The following GAREM1 variants were observed in gnomAD, a reference collection of about 807,000 sequenced individuals.
The protein encoded by GAREM1 is GRB2-associated and regulator of MAPK protein 1.
In GAREM1, 26 loss-of-function variants were observed where a neutral mutation model predicts 71.3. That is an observed-to-expected ratio of 0.36 (90% CI 0.27 to 0.51). The LOEUF (loss-of-function observed/expected upper bound fraction) is 0.51, where lower values mean the gene tolerates loss of function less well. Among genes scored for constraint, GAREM1 ranks in the 20% least tolerant of loss-of-function variants. GAREM1 has a pLI of 0.95. For synonymous variants in GAREM1, 440 were observed against 433.2 expected (o/e 1.02, Z -0.20); for missense variants, 1,026 against 1,103.1 (o/e 0.93, Z 0.99).
At chr18:32,349,225 T>C (rs2047725191) in intron 2 of GAREM1, among the ~76,000 whole-genome samples, 2 of 152,304 alleles carry the variant, frequency 1.3e-5, no homozygotes, top group South Asian at 4.1e-4. Context: ...ACATTTTAAA[T>C]GTTAGAAGGA....
intron 2 of GAREM1, among the ~76,000 whole-genome samples, chr18:32,342,157 T>C (rs1226083864): frequency 2.0e-5 from 3 of 152,192 alleles, no homozygotes; most frequent in Admixed American, 2.0e-4. Context: ...ATAACCTTTT[T>C]TTGAAGTTGG....
intron 3 of GAREM1, among the ~76,000 whole-genome samples, chr18:32,305,145 A>T (rs1017109543): frequency 6.6e-6 from 1 of 152,200 alleles, no homozygotes; most frequent in African/African-American, 2.4e-5. Context: ...AGAAAAAAAA[A>T]GTGAAAGAGA....
intron 3 of GAREM1, among the ~76,000 whole-genome samples, chr18:32,295,840 A>AT (rs562103892): frequency 2.8e-3 from 422 of 152,258 alleles, no homozygotes; most frequent in African/African-American, 9.8e-3. Context: ...TATTGCTATT[A>AT]TTTTTTAACA....
chr18:32,283,290 A>G (rs1489426590), intron 4 of GAREM1, among the ~76,000 whole-genome samples: 1 of 152,204 alleles, frequency 6.6e-6, no homozygotes, highest in African/African-American at 2.4e-5. Flanking sequence ...CATGCCTGTA[A>G]CCCCAGCACT....
At chr18:32,270,433 G>A (rs779817275) in intron 4 of GAREM1, 50 bp from the exon 5 acceptor site, 10 of 1,512,914 alleles carry the variant, frequency 6.6e-6, no homozygotes, top group African/African-American at 1.4e-5. Flanking sequence ...ACAATGCCAC[G>A]GGGCGCCAGC....
At chr18:32,434,697 A>C (rs1039049338) in intron 1 of GAREM1, among the ~76,000 whole-genome samples, 3 of 152,154 alleles carry the variant, frequency 2.0e-5, no homozygotes, top group African/African-American at 7.2e-5. Flanking sequence ...CTACAGAAGA[A>C]TTACAATTAG....
At chr18:32,379,809 T>G (rs980396621) in intron 2 of GAREM1, among the ~76,000 whole-genome samples, 3 of 152,122 alleles carry the variant, frequency 2.0e-5, no homozygotes, top group Non-Finnish European at 2.9e-5. Context: ...GTCCCAAATC[T>G]TGACCTCACA....
rs1329578323 is a variant in GAREM1, at chr18:32,470,865, G to A, written c.-437C>T. Among the ~76,000 whole-genome samples the A allele has an allele frequency of 6.6e-6, 1 of 150,756 alleles. No individual in the cohort carries two copies. Among genetic ancestry groups the A allele is most frequent in the Non-Finnish European group, 1.5e-5 (1 of 67,558 alleles). Reference sequence around the variant, plus strand: ...CGCGGGTCTGAGAAACGCCATAGCAGCGCTCCCAGCACTGACTAATCAACA... The same window carrying A: ...CGCGGGTCTGAGAAACGCCATAGCAACGCTCCCAGCACTGACTAATCAACA... On this transcript the variant is annotated 5_prime_UTR_variant, in exon 1 of 6. Transcript: ENST00000269209. This position sits in a 1 kb window ranked among gnomAD's most constrained non-coding sequence, Gnocchi z 4.4.
rs536164082 is a variant in GAREM1 at position 32,264,229 on chromosome 18, C to T, written c.*3642G>A. 33 of 152,296 alleles carry T rather than the reference C, an allele frequency of 2.2e-4. No individual in the cohort carries two copies. Among genetic ancestry groups the T allele is most frequent in the Admixed American group, 1.9e-3 (29 of 15,302 alleles). 9.4% of individuals were successfully genotyped at this position (152,296 alleles called of 1,614,324 possible). Reference sequence around the variant, plus strand: ...AGATAGTGGAAATTGATATAAGAGGCATGTTTCTGAAAGCCCCCTACGTCC... The same window carrying T: ...AGATAGTGGAAATTGATATAAGAGGTATGTTTCTGAAAGCCCCCTACGTCC... On this transcript the variant is annotated 3_prime_UTR_variant, in exon 6 of 6. Transcript: ENST00000269209.
At chr18:32,331,474 G>T (rs986700390) in intron 2 of GAREM1, 1 of 152,218 alleles carries the variant, frequency 6.6e-6, no homozygotes, top group African/African-American at 2.4e-5. Context: ...CTATCTCAGT[G>T]TGGAAGCAAA....
intron 1 of GAREM1, among the ~76,000 whole-genome samples, chr18:32,460,714 G>A (rs1372647517): frequency 3.3e-5 from 5 of 152,148 alleles, no homozygotes; most frequent in South Asian, 2.1e-4. Flanking sequence ...AGTAAAATCC[G>A]TGGTGCCCAG....
At chr18:32,320,629 C>G (rs2047419848) in intron 2 of GAREM1, among the ~76,000 whole-genome samples, 1 of 152,184 alleles carries the variant, frequency 6.6e-6, no homozygotes, top group Non-Finnish European at 1.5e-5. Context: ...CTATTTATTT[C>G]TCCATCTGAG....
At chr18:32,414,461 G>A (rs1378218857) in intron 1 of GAREM1, among the ~76,000 whole-genome samples, 1 of 151,910 alleles carries the variant, frequency 6.6e-6, no homozygotes, top group African/African-American at 2.4e-5. Flanking sequence ...AAAAAAAAAG[G>A]TTAGGTCACA....
chr18:32,416,947 G>T (rs998565794), intron 1 of GAREM1, among the ~76,000 whole-genome samples: 5 of 152,114 alleles, frequency 3.3e-5, no homozygotes, highest in Admixed American at 1.3e-4. Flanking sequence ...CAGAATGGGA[G>T]AAAATATTTG....
intron 1 of GAREM1, among the ~76,000 whole-genome samples, chr18:32,413,643 G>T (rs1189568694): frequency 6.6e-6 from 1 of 152,004 alleles, no homozygotes; most frequent in African/African-American, 2.4e-5. Flanking sequence ...TTATAGATAG[G>T]TCTATAAAGA....
At chr18:32,398,228 A>G (rs2048277355) in intron 1 of GAREM1, among the ~76,000 whole-genome samples, 1 of 152,114 alleles carries the variant, frequency 6.6e-6, no homozygotes, top group Non-Finnish European at 1.5e-5. Context: ...ATCCAAAATT[A>G]ACACCCTAAC....
At chr18:32,465,137 C>T (rs374113513) in intron 1 of GAREM1, among the ~76,000 whole-genome samples, 23 of 152,158 alleles carry the variant, frequency 1.5e-4, no homozygotes, top group Admixed American at 1.2e-3. Context: ...TCATTCCCCC[C>T]ACCCTGGCCA....
intron 4 of GAREM1, among the ~76,000 whole-genome samples, chr18:32,275,699 A>C (rs964762264): frequency 6.6e-6 from 1 of 151,604 alleles, no homozygotes; most frequent in African/African-American, 2.4e-5. Flanking sequence ...TTTTTTTGAG[A>C]CTGAGTTTTG....
chr18:32,409,152 G>A (rs934824135), intron 1 of GAREM1, among the ~76,000 whole-genome samples: 2 of 152,122 alleles, frequency 1.3e-5, no homozygotes, highest in Admixed American at 1.3e-4. Flanking sequence ...CAACAGAGCA[G>A]GTGGGTAAAA....
Sources: gnomAD v4.1 joint callset for allele counts (sites outside exome capture counted in the v4.1 genomes callset) on GRCh38, gnomAD v4.1.1 for gene constraint, Gnocchi (gnomAD v3.1) non-coding constraint, MANE v1.5 for transcripts, NCBI Gene and HGNC (gene_info 2026-07-23, HGNC 2026-07-21) for gene names.